Variants in FUNDC1 observed in about 807,000 individuals in gnomAD.
The protein encoded by FUNDC1 is FUN14 domain-containing protein 1.
In FUNDC1, 10 loss-of-function variants were observed where a neutral mutation model predicts 14.5. That is an observed-to-expected ratio of 0.69 (90% CI 0.43 to 1.17). The LOEUF (loss-of-function observed/expected upper bound fraction) is 1.17, where lower values mean the gene tolerates loss of function less well. Among genes scored for constraint, FUNDC1 ranks in the 50% most tolerant of loss-of-function variants. FUNDC1 has a pLI of 0.00. For missense variants in FUNDC1, 115 were observed against 113.8 expected (o/e 1.01, Z -0.05); for synonymous variants, 33 against 39.7 (o/e 0.83, Z 0.64).
chrX:44,532,711 C>T (rs963931839), intron 3 of FUNDC1, among the ~76,000 whole-genome samples: 1 of 109,359 alleles, frequency 9.1e-6, no homozygotes, highest in Non-Finnish European at 1.9e-5. Flanking sequence ...CACCACCATG[C>T]CCGGCTAATT....
At chrX:44,524,491 TG>T (rs1196514842) in intron 4 of FUNDC1, among the ~76,000 whole-genome samples, 1 of 110,863 alleles carries the variant, frequency 9.0e-6, no homozygotes, top group African/African-American at 3.3e-5. Flanking sequence ...TTTGGGATGA[TG>T]AAAAAGTTCT....
intron 3 of FUNDC1, among the ~76,000 whole-genome samples, chrX:44,532,607 C>T (rs1211229930): frequency 3.8e-5 from 4 of 106,517 alleles, no homozygotes; most frequent in African/African-American, 1.4e-4. Context: ...GGCTGGCGTG[C>T]AATGACATGA....
At chrX:44,533,020 A>G (rs1288063362) in intron 3 of FUNDC1, among the ~76,000 whole-genome samples, 2 of 111,789 alleles carry the variant, frequency 1.8e-5, no homozygotes, top group Non-Finnish European at 3.8e-5. Flanking sequence ...AACACTCTGA[A>G]CCTGCAGTCT....
At chrX:44,536,687 T>A (rs773387127) in intron 3 of FUNDC1, among the ~76,000 whole-genome samples, 16 of 111,603 alleles carry the variant, frequency 1.4e-4, no homozygotes, top group Non-Finnish European at 2.6e-4. Context: ...AAAAAGAGAT[T>A]ACTACCTTAA....
At position 44,538,226 on chromosome X, in the gene FUNDC1, T is replaced by C. The variant is rs190622449; in HGVS notation, c.261+241A>G. Among the ~76,000 whole-genome samples, 3 of 112,501 alleles carry C rather than the reference T, an allele frequency of 2.7e-5. No homozygotes were observed. In the Admixed American group the frequency reaches 2.8e-4, roughly 11 times the overall value. ...CTTGAACATCTGACCTCAAGGGATC[T>C]GCCTGCCTCTGCCTCCCAAAGTGCT... On this transcript the variant is annotated intron_variant, in intron 3 of 4. Coordinates refer to ENST00000378045, the MANE Select transcript of FUNDC1 (RefSeq NM_173794.4).
intron 2 of FUNDC1, 23 bp from the exon 3 acceptor site, chrX:44,538,565 G>A: frequency 9.0e-7 from 1 of 1,105,002 alleles, no homozygotes; most frequent in South Asian, 1.9e-5. Context: ...AACAAAAGAT[G>A]AAAACAATCA....
intron 4 of FUNDC1, among the ~76,000 whole-genome samples, chrX:44,525,518 AC>A (rs1406665571): frequency 1.8e-5 from 2 of 110,173 alleles, no homozygotes; most frequent in East Asian, 5.8e-4. Context: ...AAAAAAAGCC[AC>A]ACAAGATATT....
chrX:44,534,232 T>A (rs1300395625), intron 3 of FUNDC1, among the ~76,000 whole-genome samples: 3 of 108,429 alleles, frequency 2.8e-5, no homozygotes, highest in Non-Finnish European at 5.7e-5. Flanking sequence ...AGTCAGTGGC[T>A]CACACCTGTA....
chrX:44,540,442 GTA>G (rs1157335697), intron 2 of FUNDC1, among the ~76,000 whole-genome samples: 1 of 108,718 alleles, frequency 9.2e-6, no homozygotes, highest in African/African-American at 3.4e-5. Context: ...GTGTGTGTGT[GTA>G]TGTATATATA....
Position 44,524,173 on chromosome X carries a change from C to T in FUNDC1, c.*25G>A. 2.8e-6 allele frequency: 3 copies of T among 1,087,653 alleles called. No individual in the cohort carries two copies. Among genetic ancestry groups the T allele is most frequent in the Non-Finnish European group, 3.8e-6 (3 of 783,964 alleles). The allele number at this position is 1,087,653 out of a possible 1,213,427, so 89.6% of individuals were successfully genotyped here. A position where few individuals can be genotyped will look rare whatever the true frequency, so the allele number is the denominator to read the frequency against. Reference sequence around the variant, plus strand: ...GCCACTTCTCTTCTCATAGTTGAATCCGTTATGGGAGAATATTCATGTCCT... The same window carrying T: ...GCCACTTCTCTTCTCATAGTTGAATTCGTTATGGGAGAATATTCATGTCCT... On this transcript the variant is annotated 3_prime_UTR_variant, in exon 5 of 5. Coordinates refer to ENST00000378045, the MANE Select transcript of FUNDC1 (RefSeq NM_173794.4).
chrX:44,542,630 T>C (rs764043580), intron 1 of FUNDC1, among the ~76,000 whole-genome samples, 175 bp downstream of exon 1: 270 of 106,920 alleles, frequency 2.5e-3, no homozygotes, highest in African/African-American at 8.6e-3. Context: ...TCCGCTTGAG[T>C]TCCGCAGAGA....
At chrX:44,536,070 T>C (rs983833443) in intron 3 of FUNDC1, among the ~76,000 whole-genome samples, 4 of 108,192 alleles carry the variant, frequency 3.7e-5, no homozygotes, top group Non-Finnish European at 7.6e-5. Context: ...TCCCAGCACT[T>C]TGGGAGGCCG....
At chrX:44,539,237 C>A (rs980301911) in intron 2 of FUNDC1, among the ~76,000 whole-genome samples, 3 of 112,070 alleles carry the variant, frequency 2.7e-5, no homozygotes, top group African/African-American at 9.7e-5. Context: ...TTCCCTTCAG[C>A]ATTCCAGATC....
In FUNDC1 at chrX:44,531,315, G is replaced by GACACACACACAC. The variant is rs766982993; in HGVS notation, c.262-3962_262-3951dup. ...TTCAGATGAAGATTCATGTTGGCCA[G>GACACACACACAC]ACACACACACACACACACACACACA... On this transcript the variant is annotated intron_variant, in intron 3 of 4. Coordinates refer to ENST00000378045, the MANE Select transcript of FUNDC1 (RefSeq NM_173794.4). Among the ~76,000 whole-genome samples, 34 of 18,846 alleles carry GACACACACACAC rather than the reference G, an allele frequency of 1.8e-3. 2 individuals carry two copies. Among genetic ancestry groups the GACACACACACAC allele is most frequent in the Non-Finnish European group, 2.2e-3 (27 of 12,059 alleles). The allele number at this position is 18,846 out of a possible 115,157, so 16.4% of individuals were successfully genotyped here.
chrX:44,531,318 AC>A lies in FUNDC1; in HGVS notation c.262-3954del, dbSNP rs750084914. On this transcript the variant is annotated intron_variant, in intron 3 of 4. Coordinates refer to ENST00000378045, the MANE Select transcript of FUNDC1 (RefSeq NM_173794.4). Reference sequence around the variant, plus strand: ...AGATGAAGATTCATGTTGGCCAGACACACACACACACACACACACACACACA... The same window carrying A: ...AGATGAAGATTCATGTTGGCCAGACAACACACACACACACACACACACACA... Among the ~76,000 whole-genome samples, 24 of 26,104 alleles carry A rather than the reference AC, an allele frequency of 9.2e-4. 1 individual carries two copies. The highest frequency in any genetic ancestry group is 1.0e-3 in the African/African-American group (5 of 4,817). 22.7% of individuals were successfully genotyped at this position (26,104 alleles called of 115,157 possible).
In FUNDC1 at chrX:44,533,214, T is replaced by C. The variant is rs1485274378; in HGVS notation, c.261+5253A>G. Reference sequence around the variant, plus strand: ...TCCAAGAATGTTAGTGCTCCAGTAATATGATGTGTTTCTAAAAGTCTTATT... The same window carrying C: ...TCCAAGAATGTTAGTGCTCCAGTAACATGATGTGTTTCTAAAAGTCTTATT... On this transcript the variant is annotated intron_variant, in intron 3 of 4. Coordinates refer to ENST00000378045, the MANE Select transcript of FUNDC1 (RefSeq NM_173794.4). Among the ~76,000 whole-genome samples the C allele has an allele frequency of 2.7e-5, 3 of 111,757 alleles. No homozygotes were observed. The Admixed American group carries it at 2.9e-4, about 11-fold the overall frequency.
At chrX:44,531,398 C>T (rs965336550) in intron 3 of FUNDC1, among the ~76,000 whole-genome samples, 7 of 100,003 alleles carry the variant, frequency 7.0e-5, no homozygotes. Flanking sequence ...TTCATGTTGG[C>T]CAGAAAGCTC....
intron 2 of FUNDC1, among the ~76,000 whole-genome samples, chrX:44,541,149 A>G (rs1209033992): frequency 8.9e-6 from 1 of 112,470 alleles, no homozygotes; most frequent in African/African-American, 3.2e-5. Flanking sequence ...ATCTAAGAAA[A>G]AACGCTTATG....
chrX:44,531,898 T>C (rs2038927380), intron 3 of FUNDC1, among the ~76,000 whole-genome samples: 1 of 110,366 alleles, frequency 9.1e-6, no homozygotes, highest in Admixed American at 9.8e-5. Context: ...ATTTGAGCAA[T>C]AAAAGAGCAT....
Sources: gnomAD v4.1 joint callset for allele counts (sites outside exome capture counted in the v4.1 genomes callset) on GRCh38, gnomAD v4.1.1 for gene constraint, MANE v1.5 for transcripts, NCBI Gene and HGNC (gene_info 2026-07-23, HGNC 2026-07-21) for gene names.